Variants in ZFAND3 observed in about 807,000 individuals in gnomAD.
ZFAND3 encodes zinc finger AN1-type containing 3, also known as AN1-type zinc finger protein 3.
Under a neutral mutation model 29.6 loss-of-function variants are expected in ZFAND3, and 10 were observed. The observed-to-expected ratio is 0.34, with a 90% CI of 0.21 to 0.57. The LOEUF (loss-of-function observed/expected upper bound fraction) is 0.57, where lower values mean the gene tolerates loss of function less well. Among genes scored for constraint, ZFAND3 ranks in the 20% least tolerant of loss-of-function variants. The pLI is 0.86. For synonymous variants in ZFAND3, 128 were observed against 112.6 expected (o/e 1.14, Z -0.87); for missense variants, 230 against 304.5 (o/e 0.76, Z 1.82).
intron 4 of ZFAND3, among the ~76,000 whole-genome samples, chr6:38,108,691 C>T (rs1765256138): frequency 6.6e-6 from 1 of 152,186 alleles, no homozygotes; most frequent in African/African-American, 2.4e-5. Flanking sequence ...ATGGTGCCTA[C>T]CCACATTGAG....
chr6:37,935,079 A>C (rs1020644878), intron 2 of ZFAND3, among the ~76,000 whole-genome samples: 1 of 152,164 alleles, frequency 6.6e-6, no homozygotes, highest in Admixed American at 6.5e-5. Context: ...TGGAGTTTGC[A>C]TAAGGACCTT....
chr6:37,924,771 T>C (rs1045422194), intron 1 of ZFAND3, among the ~76,000 whole-genome samples: 11 of 151,716 alleles, frequency 7.3e-5, no homozygotes, highest in Admixed American at 2.0e-4. Flanking sequence ...CAGTGAGCTA[T>C]GATTGGGCAC....
intron 1 of ZFAND3, among the ~76,000 whole-genome samples, chr6:37,896,582 C>CTTT: frequency 1.1e-5 from 1 of 92,816 alleles, no homozygotes. Context: ...CTCTTTCTCT[C>CTTT]TCTTTCTCTT....
chr6:37,827,570 G>A (rs917366375), intron 1 of ZFAND3, among the ~76,000 whole-genome samples: 1 of 152,194 alleles, frequency 6.6e-6, no homozygotes, highest in African/African-American at 2.4e-5. Context: ...ATAGAGAAAG[G>A]TGGGGTATAT....
intron 1 of ZFAND3, among the ~76,000 whole-genome samples, chr6:37,889,115 G>T (rs944977907): frequency 3.9e-5 from 6 of 152,186 alleles, no homozygotes; most frequent in Non-Finnish European, 8.8e-5. Context: ...CAATTTGCTT[G>T]TCTTTCTCCA....
At chr6:37,824,022 C>T (rs186182936) in intron 1 of ZFAND3, among the ~76,000 whole-genome samples, 156 of 152,260 alleles carry the variant, frequency 1.0e-3, no homozygotes, top group African/African-American at 3.2e-3. Flanking sequence ...GTGATCCTCC[C>T]GCCTCGGCTT....
intron 2 of ZFAND3, among the ~76,000 whole-genome samples, chr6:37,931,542 C>CAA (rs34959839): frequency 1.2e-5 from 1 of 81,918 alleles, no homozygotes; most frequent in Non-Finnish European, 2.6e-5. Flanking sequence ...GACTCCGTCT[C>CAA]AAAAAAAAAA....
intron 2 of ZFAND3, among the ~76,000 whole-genome samples, chr6:38,020,500 A>G (rs1763330429): frequency 6.6e-6 from 1 of 152,226 alleles, no homozygotes; most frequent in Non-Finnish European, 1.5e-5. Context: ...TGCATTATTT[A>G]TAAATAAATG....
chr6:38,111,706 G>A (rs76766775), intron 4 of ZFAND3, among the ~76,000 whole-genome samples: 10,392 of 152,128 alleles, frequency 0.068, 427 homozygotes, highest in Non-Finnish European at 0.087. Flanking sequence ...CATAAAACAT[G>A]CAAAATATGT....
At chr6:37,966,628 C>A (rs896686525) in intron 2 of ZFAND3, among the ~76,000 whole-genome samples, 3 of 151,988 alleles carry the variant, frequency 2.0e-5, no homozygotes, top group Non-Finnish European at 2.9e-5. Context: ...CATAACTTTG[C>A]TGGAACCATT....
intron 2 of ZFAND3, among the ~76,000 whole-genome samples, chr6:37,996,718 G>A (rs1253160341): frequency 6.6e-6 from 1 of 152,054 alleles, no homozygotes; most frequent in Non-Finnish European, 1.5e-5. Flanking sequence ...ATCATTTTCT[G>A]TATATTTTCC....
chr6:37,832,683 C>T (rs897887566), intron 1 of ZFAND3, among the ~76,000 whole-genome samples: 1 of 152,024 alleles, frequency 6.6e-6, no homozygotes, highest in Non-Finnish European at 1.5e-5. Context: ...CCCCCTCTCC[C>T]CTCTCTCCTC....
chr6:38,063,190 A>C, intron 3 of ZFAND3, among the ~76,000 whole-genome samples: 1 of 152,262 alleles, frequency 6.6e-6, no homozygotes, highest in East Asian at 1.9e-4. Flanking sequence ...TGGAAAGGTT[A>C]GCAGAAAACA....
Position 38,139,776 on chromosome 6 carries a change from C to T in ZFAND3, c.530-12459C>T, listed in dbSNP as rs577952652. On this transcript the variant is annotated intron_variant, in intron 5 of 5. Transcript: ENST00000287218. ...CTAAAGGAAGCTGTTGCAGTAGCCT[C>T]GGAAAAAAGTTACTGGTCTCTTTGA... Among the ~76,000 whole-genome samples the T allele has an allele frequency of 3.1e-3, 472 of 151,480 alleles. 3 individuals are homozygous for T. Among genetic ancestry groups the T allele is most frequent in the African/African-American group, 0.011 (445 of 41,220 alleles).
At chr6:38,061,909 G>A in intron 3 of ZFAND3, 134 bp downstream of exon 3, 1 of 1,060,130 alleles carries the variant, frequency 9.4e-7, no homozygotes, top group Middle Eastern at 2.9e-4. Flanking sequence ...CAAGGCCCAA[G>A]CTCAGCAAGT....
At chr6:38,102,228 G>A (rs1765109166) in intron 4 of ZFAND3, among the ~76,000 whole-genome samples, 1 of 151,996 alleles carries the variant, frequency 6.6e-6, no homozygotes, top group Admixed American at 6.6e-5. Flanking sequence ...CACCCTGAAA[G>A]CTTGCATTAT....
At chr6:38,142,242 G>A (rs1333894772) in intron 5 of ZFAND3, 1 of 471,292 alleles carries the variant, frequency 2.1e-6, no homozygotes, top group Non-Finnish European at 4.4e-6. Flanking sequence ...TGGGGAAAAT[G>A]TTCCTTTCTT....
At position 37,848,073 on chromosome 6, in the gene ZFAND3, A is replaced by T. The variant is rs556361897; in HGVS notation, c.71+28057A>T. On this transcript the variant is annotated intron_variant, in intron 1 of 5. Transcript: ENST00000287218. ...TGAGAAAGGGCTAAGATTACCAGTG[A>T]TGATCCCTTTTAGATTGCTGCAGTC... is the stretch of plus-strand genomic sequence containing the variant. 5.3e-5 allele frequency among the ~76,000 whole-genome samples: 8 copies of T among 152,374 alleles called. No homozygotes were observed. In the East Asian group the frequency reaches 1.5e-3, roughly 29 times the overall value.
chr6:37,919,518 T>A (rs1332635468), intron 1 of ZFAND3, among the ~76,000 whole-genome samples: 1 of 152,106 alleles, frequency 6.6e-6, no homozygotes, highest in Non-Finnish European at 1.5e-5. Flanking sequence ...CACATTCATT[T>A]TTTTTTTTAG....
Sources: allele counts gnomAD v4.1 joint callset (sites outside exome capture counted in the v4.1 genomes callset), GRCh38; gene constraint gnomAD v4.1.1; transcripts MANE v1.5; gene names NCBI Gene and HGNC (gene_info 2026-07-23, HGNC 2026-07-21).